Variants in SYT9 observed in about 807,000 individuals in gnomAD.
SYT9 encodes synaptotagmin 9.
SYT9 carries 22 observed loss-of-function variants against 48.4 expected under a neutral mutation model. That is an observed-to-expected ratio of 0.45 (90% CI 0.32 to 0.65). The LOEUF (loss-of-function observed/expected upper bound fraction) is 0.65, where lower values mean the gene tolerates loss of function less well. SYT9 is among the 30% of genes least tolerant of loss of function. The probability of loss-of-function intolerance (pLI) is 0.03; values close to 1 mark genes in which losing one functional copy is unlikely to be tolerated. For missense variants in SYT9, 577 were observed against 622.0 expected (o/e 0.93, Z 0.77); for synonymous variants, 265 against 245.0 (o/e 1.08, Z -0.76).
At chr11:7,311,041 G>A (rs913939161) in intron 2 of SYT9, among the ~76,000 whole-genome samples, 6 of 152,108 alleles carry the variant, frequency 3.9e-5, no homozygotes, top group Non-Finnish European at 7.4e-5. Flanking sequence ...AGTGGCTAAC[G>A]CCTGTAATCC....
upstream of SYT9, among the ~76,000 whole-genome samples, chr11:7,247,576 T>C (rs1847807178): frequency 6.8e-6 from 1 of 147,712 alleles, no homozygotes; most frequent in Admixed American, 6.8e-5. Context: ...TATACACATA[T>C]ACATATATAT....
chr11:7,267,041 A>G (rs1351035378), intron 1 of SYT9, among the ~76,000 whole-genome samples: 1 of 152,126 alleles, frequency 6.6e-6, no homozygotes, highest in African/African-American at 2.4e-5. Context: ...CCTATAAAAA[A>G]CATACTGAAT....
At chr11:7,343,655 C>T (rs1254677769) in intron 3 of SYT9, among the ~76,000 whole-genome samples, 5 of 152,170 alleles carry the variant, frequency 3.3e-5, no homozygotes, top group African/African-American at 4.8e-5. Flanking sequence ...AACCTCTGCC[C>T]GTTACCCAGT....
chr11:7,386,367 A>C (rs1589989059), intron 3 of SYT9, among the ~76,000 whole-genome samples: 2 of 151,994 alleles, frequency 1.3e-5, no homozygotes, highest in East Asian at 3.9e-4. Flanking sequence ...GTCAACCTAC[A>C]GAATGGGAGA....
chr11:7,368,733 A>G (rs531933330), intron 3 of SYT9, among the ~76,000 whole-genome samples: 15 of 152,252 alleles, frequency 9.9e-5, no homozygotes, highest in African/African-American at 3.6e-4. Context: ...CATGGTGTAT[A>G]TGTGCCACAT....
At chr11:7,389,720 G>A (rs752455301) in intron 3 of SYT9, among the ~76,000 whole-genome samples, 22 of 151,988 alleles carry the variant, frequency 1.4e-4, no homozygotes, top group Non-Finnish European at 2.5e-4. Flanking sequence ...CTATCACTAA[G>A]GACCAAGCGA....
chr11:7,240,497 C>T (rs1847729656), intron 1 of SYT9, among the ~76,000 whole-genome samples: 1 of 152,136 alleles, frequency 6.6e-6, no homozygotes, highest in Non-Finnish European at 1.5e-5. Context: ...TCATAAATGT[C>T]ATAGTAAATG....
At position 7,385,367 on chromosome 11, in the gene SYT9, T is replaced by TGTGTGC. The variant is rs1181968576; in HGVS notation, c.1045-30672_1045-30671insTGCGTG. On this transcript the variant is annotated intron_variant, in intron 3 of 6. Transcript: ENST00000318881. ...GTGTGTGTGTGTGTGTGTGTGTGTG[T>TGTGTGC]GTGCGTGTGTGTCCATGCAGCTAAT... 6.1e-3 allele frequency among the ~76,000 whole-genome samples: 917 copies of TGTGTGC among 150,020 alleles called. 64 individuals carry two copies. Among genetic ancestry groups the TGTGTGC allele is most frequent in the African/African-American group, 0.021 (862 of 40,758 alleles).
chr11:7,272,313 T>A (rs1848312408), intron 1 of SYT9, among the ~76,000 whole-genome samples: 1 of 152,210 alleles, frequency 6.6e-6, no homozygotes, highest in African/African-American at 2.4e-5. Context: ...AAAATCGGCA[T>A]AACTGACTTC....
chr11:7,330,353 A>G (rs1849505212), intron 3 of SYT9, among the ~76,000 whole-genome samples: 1 of 152,292 alleles, frequency 6.6e-6, no homozygotes, highest in South Asian at 2.1e-4. Context: ...AATTATAGGG[A>G]TGGAGAACAA....
intron 2 of SYT9, among the ~76,000 whole-genome samples, chr11:7,303,648 C>T (rs533495442): frequency 5.0e-4 from 76 of 152,124 alleles, no homozygotes; most frequent in Non-Finnish European, 9.0e-4. Flanking sequence ...TTTATTATAG[C>T]TCACAACTTA....
At chr11:7,397,696 T>C (rs991776607) in intron 3 of SYT9, among the ~76,000 whole-genome samples, 3 of 152,184 alleles carry the variant, frequency 2.0e-5, no homozygotes, top group Admixed American at 6.5e-5. Flanking sequence ...ATTTCTCTCA[T>C]CAATGTTGGT....
intron 6 of SYT9, among the ~76,000 whole-genome samples, chr11:7,425,193 G>A (rs779106162): frequency 6.7e-6 from 1 of 150,250 alleles, no homozygotes; most frequent in Non-Finnish European, 1.5e-5. Flanking sequence ...GCAATTTGCT[G>A]TAGGTCTGGG....
chr11:7,385,367 T>TGTGTGTGTGC (rs1181968576), intron 3 of SYT9, among the ~76,000 whole-genome samples: 2 of 149,908 alleles, frequency 1.3e-5, no homozygotes, highest in African/African-American at 4.9e-5. Flanking sequence ...TGTGTGTGTG[T>TGTGTGTGTGC]GTGCGTGTGT....
intron 3 of SYT9, among the ~76,000 whole-genome samples, chr11:7,332,418 A>G (rs1221656145): frequency 6.6e-6 from 1 of 152,230 alleles, no homozygotes; most frequent in African/African-American, 2.4e-5. Flanking sequence ...CCGCTAAGGA[A>G]TGGATGCACT....
chr11:7,264,052 C>A (rs1470862898), intron 1 of SYT9, among the ~76,000 whole-genome samples: 1 of 151,962 alleles, frequency 6.6e-6, no homozygotes, highest in Non-Finnish European at 1.5e-5. Context: ...TGTTTATTGT[C>A]ATGAAGTCAG....
At chr11:7,258,820 G>A (rs73405485) in intron 1 of SYT9, among the ~76,000 whole-genome samples, 1 of 152,026 alleles carries the variant, frequency 6.6e-6, no homozygotes, top group African/African-American at 2.4e-5. Context: ...CCACAAACAT[G>A]TATATGTTTT....
At chr11:7,303,471 A>C in intron 2 of SYT9, 81 bp downstream of exon 2, 5 of 1,222,848 alleles carry the variant, frequency 4.1e-6, no homozygotes, top group Non-Finnish European at 5.6e-6. Flanking sequence ...CTGATAGGTC[A>C]AGGAGCCTGT....
At chr11:7,406,217 T>G (rs1198937803) in intron 3 of SYT9, among the ~76,000 whole-genome samples, 1 of 152,140 alleles carries the variant, frequency 6.6e-6, no homozygotes, top group African/African-American at 2.4e-5. Context: ...TAAAATATAT[T>G]GTTGCTACTA....
Sources: allele counts gnomAD v4.1 joint callset (sites outside exome capture counted in the v4.1 genomes callset), GRCh38; gene constraint gnomAD v4.1.1; transcripts MANE v1.5; gene names NCBI Gene and HGNC (gene_info 2026-07-23, HGNC 2026-07-21).